DNAJC1: variants seen among roughly 807,000 people sequenced by gnomAD.
DNAJC1 encodes the protein DnaJ heat shock protein family (Hsp40) member C1.
Under a neutral mutation model 76.6 loss-of-function variants are expected in DNAJC1, and 58 were observed. That is an observed-to-expected ratio of 0.76 (90% CI 0.61 to 0.94). The LOEUF (loss-of-function observed/expected upper bound fraction) is 0.94. Ranked by LOEUF, DNAJC1 falls within the 40% of genes least tolerant of loss-of-function variation. DNAJC1 has a pLI of 0.00. For synonymous variants in DNAJC1, 258 were observed against 267.9 expected (o/e 0.96, Z 0.36); for missense variants, 689 against 677.3 (o/e 1.02, Z -0.19).
chr10:21,950,589 T>TA (rs1191900457), intron 1 of DNAJC1, among the ~76,000 whole-genome samples: 2 of 152,112 alleles, frequency 1.3e-5, no homozygotes, highest in African/African-American at 4.8e-5. Flanking sequence ...TAGAAATGAT[T>TA]AAGTTTAGTG....
intron 8 of DNAJC1, among the ~76,000 whole-genome samples, chr10:21,841,684 A>T (rs1302576841): frequency 6.6e-6 from 1 of 152,206 alleles, no homozygotes; most frequent in African/African-American, 2.4e-5. Context: ...CCATTGTGGA[A>T]GTCAGTGTGG....
intron 9 of DNAJC1, among the ~76,000 whole-genome samples, chr10:21,796,141 T>C (rs544579790): frequency 4.6e-5 from 7 of 152,122 alleles, no homozygotes; most frequent in Non-Finnish European, 7.4e-5. Flanking sequence ...AGCTAATTTT[T>C]GTATTTTTAG....
At chr10:21,757,795 G>A (rs984402387) in intron 11 of DNAJC1, among the ~76,000 whole-genome samples, 6 of 152,170 alleles carry the variant, frequency 3.9e-5, no homozygotes, top group Non-Finnish European at 5.9e-5. Flanking sequence ...GCCCTGCCTC[G>A]CTCTCAAGTC....
intron 8 of DNAJC1, among the ~76,000 whole-genome samples, chr10:21,868,080 A>AACAAAAAAC (rs1554892647): frequency 9.0e-6 from 1 of 110,772 alleles, no homozygotes; most frequent in African/African-American, 3.4e-5. Context: ...TGTCTCCAAA[A>AACAAAAAAC]AAAAAAAAAC....
intron 8 of DNAJC1, among the ~76,000 whole-genome samples, chr10:21,877,753 A>G (rs1836209216): frequency 6.6e-6 from 1 of 152,214 alleles, no homozygotes; most frequent in South Asian, 2.1e-4. Flanking sequence ...AAACAATTTA[A>G]AAGTACAGCT....
chr10:21,894,866 A>G (rs1836515687), intron 7 of DNAJC1, among the ~76,000 whole-genome samples: 1 of 152,186 alleles, frequency 6.6e-6, no homozygotes, highest in African/African-American at 2.4e-5. Context: ...GTGAGCACAC[A>G]GCATTCATCT....
chr10:21,945,680 A>G (rs1837492427), intron 1 of DNAJC1, among the ~76,000 whole-genome samples: 1 of 152,212 alleles, frequency 6.6e-6, no homozygotes, highest in African/African-American at 2.4e-5. Context: ...GTCACGGCCA[A>G]TAAAAGTTGA....
intron 1 of DNAJC1, among the ~76,000 whole-genome samples, chr10:21,955,639 T>C (rs953577239): frequency 7.2e-5 from 11 of 152,310 alleles, no homozygotes; most frequent in Admixed American, 1.3e-4. Flanking sequence ...CATTACCTCA[T>C]ATACTTTTCT....
rs1444231776 is a variant in DNAJC1 at position 21,942,248 on chromosome 10, A to ATAAG, written c.223-13111_223-13108dup. Among the ~76,000 whole-genome samples the ATAAG allele has an allele frequency of 6.6e-5, 10 of 152,320 alleles. No homozygotes were observed. In the East Asian group the frequency reaches 1.2e-3, roughly 18 times the overall value. ...GCAAGTAATAGGACAAAGAGTGGTAATAAGTAATGATAAAAGGTCTAATCC... is the reference window on the plus strand; with the variant it reads ...GCAAGTAATAGGACAAAGAGTGGTAATAAGTAAGTAATGATAAAAGGTCTAATCC... On this transcript the variant is annotated intron_variant, in intron 1 of 11. Coordinates refer to ENST00000376980, the MANE Select transcript of DNAJC1 (RefSeq NM_022365.4).
intron 1 of DNAJC1, among the ~76,000 whole-genome samples, chr10:21,932,115 T>C (rs1441390866): frequency 6.6e-6 from 1 of 152,138 alleles, no homozygotes; most frequent in Non-Finnish European, 1.5e-5. Flanking sequence ...GGCAGGCAGA[T>C]CACTTGAGCC....
At chr10:21,980,140 T>C (rs1458065757) in intron 1 of DNAJC1, among the ~76,000 whole-genome samples, 3 of 152,088 alleles carry the variant, frequency 2.0e-5, no homozygotes, top group African/African-American at 7.2e-5. Context: ...AAACAAGTGC[T>C]AGAAATGGCA....
chr10:21,852,219 C>A (rs1257378949), intron 8 of DNAJC1, among the ~76,000 whole-genome samples: 1 of 151,450 alleles, frequency 6.6e-6, no homozygotes, highest in African/African-American at 2.4e-5. Flanking sequence ...GAGGCAGAAA[C>A]AAAAGGTCAC....
rs114095516 is a variant in DNAJC1 at position 21,761,167 on chromosome 10, C to G, written c.1148-1549G>C. Among the ~76,000 whole-genome samples the G allele has an allele frequency of 4.3e-3, 659 of 152,212 alleles. 3 individuals are homozygous for G. Among genetic ancestry groups the G allele is most frequent in the African/African-American group, 0.015 (627 of 41,536 alleles). ...TGCACTCCAGCCTGGGAAACAAAGT[C>G]TTGCTCTGTCTCAAAACAACAACAA... On this transcript the variant is annotated intron_variant, in intron 10 of 11. Transcript: ENST00000376980.
At chr10:21,954,070 A>G (rs1252734988) in intron 1 of DNAJC1, among the ~76,000 whole-genome samples, 1 of 152,078 alleles carries the variant, frequency 6.6e-6, no homozygotes, top group East Asian at 1.9e-4. Flanking sequence ...AAATATTTTG[A>G]ATTAAACCTT....
intron 7 of DNAJC1, among the ~76,000 whole-genome samples, chr10:21,903,791 T>C (rs1014605700): frequency 5.3e-5 from 8 of 152,000 alleles, no homozygotes; most frequent in Non-Finnish European, 7.4e-5. Context: ...CTTACCCTCA[T>C]GGAGCTTACA....
intron 10 of DNAJC1, among the ~76,000 whole-genome samples, chr10:21,764,392 C>G (rs1450920978): frequency 6.6e-6 from 1 of 152,148 alleles, no homozygotes; most frequent in East Asian, 1.9e-4. Flanking sequence ...TTTTGTTTAT[C>G]TGTATTTTTT....
intron 1 of DNAJC1, among the ~76,000 whole-genome samples, chr10:21,941,815 C>T (rs892554155): frequency 5.3e-5 from 8 of 151,870 alleles, no homozygotes; most frequent in Admixed American, 4.6e-4. Flanking sequence ...GAAGAGGAAG[C>T]AGACCAAGAA....
chr10:21,888,033 T>C (rs1430323084), intron 7 of DNAJC1, among the ~76,000 whole-genome samples: 1 of 151,890 alleles, frequency 6.6e-6, no homozygotes, highest in African/African-American at 2.4e-5. Context: ...TCAATAAATA[T>C]ACAAGAGAAA....
intron 2 of DNAJC1, 83 bp from the exon 3 acceptor site, chr10:21,928,635 A>T: frequency 9.3e-7 from 1 of 1,074,474 alleles, no homozygotes; most frequent in Non-Finnish European, 1.4e-6. Flanking sequence ...TACAATACAC[A>T]TGCAGAAAAT....
Sources: allele counts gnomAD v4.1 joint callset (sites outside exome capture counted in the v4.1 genomes callset), GRCh38; gene constraint gnomAD v4.1.1; transcripts MANE v1.5; gene names NCBI Gene and HGNC (gene_info 2026-07-23, HGNC 2026-07-21).